Variants in CNTNAP2 observed in about 807,000 individuals in gnomAD.
The protein encoded by CNTNAP2 is contactin-associated protein-like 2.
CNTNAP2 carries 98 observed loss-of-function variants against 155.2 expected under a neutral mutation model. The observed-to-expected ratio is 0.63, with a 90% CI of 0.54 to 0.75. The LOEUF (loss-of-function observed/expected upper bound fraction) is 0.75, where lower values mean the gene tolerates loss of function less well. Ranked by LOEUF, CNTNAP2 falls within the 30% of genes least tolerant of loss-of-function variation. The pLI is 0.00. For synonymous variants in CNTNAP2, 651 were observed against 631.2 expected (o/e 1.03, Z -0.47); for missense variants, 1,727 against 1,688.1 (o/e 1.02, Z -0.40).
At chr7:148,185,410 T>G (rs1480464387) in intron 18 of CNTNAP2, among the ~76,000 whole-genome samples, 1 of 152,228 alleles carries the variant, frequency 6.6e-6, no homozygotes, top group East Asian at 1.9e-4. Flanking sequence ...GCAAATCATG[T>G]TGGTTCCTTG....
intron 18 of CNTNAP2, among the ~76,000 whole-genome samples, chr7:148,204,465 C>A (rs1007032896): frequency 6.6e-6 from 1 of 152,204 alleles, no homozygotes. Flanking sequence ...TTTCAGAACA[C>A]ATATGGGAAT....
intron 3 of CNTNAP2, among the ~76,000 whole-genome samples, chr7:147,028,177 A>G (rs1244249834): frequency 2.6e-5 from 4 of 152,216 alleles, no homozygotes; most frequent in Admixed American, 6.5e-5. Context: ...AACTGCACCA[A>G]AAAGGTTCCT....
At chr7:146,128,616 A>G (rs1797671647) in intron 1 of CNTNAP2, among the ~76,000 whole-genome samples, 1 of 152,182 alleles carries the variant, frequency 6.6e-6, no homozygotes, top group Non-Finnish European at 1.5e-5. Flanking sequence ...AAACACTGTG[A>G]TTTATATTTA....
At chr7:148,245,228 C>A (rs751695845) in intron 20 of CNTNAP2, among the ~76,000 whole-genome samples, 67 of 152,162 alleles carry the variant, frequency 4.4e-4, no homozygotes, top group Non-Finnish European at 8.4e-4. Flanking sequence ...AGCCCACAGA[C>A]CTCTGGGCTA....
At chr7:147,000,183 G>A (rs1011354766) in intron 3 of CNTNAP2, among the ~76,000 whole-genome samples, 1 of 151,410 alleles carries the variant, frequency 6.6e-6, no homozygotes, top group East Asian at 1.9e-4. Context: ...AATTTCATTT[G>A]TTGTAATTTT....
At chr7:147,142,372 A>G (rs1411614018) in intron 8 of CNTNAP2, among the ~76,000 whole-genome samples, 1 of 152,162 alleles carries the variant, frequency 6.6e-6, no homozygotes, top group Non-Finnish European at 1.5e-5. Context: ...ATGCTGGATT[A>G]TGTTTATTGA....
At chr7:148,158,464 G>T (rs542100778) in intron 17 of CNTNAP2, among the ~76,000 whole-genome samples, 2 of 152,018 alleles carry the variant, frequency 1.3e-5, no homozygotes, top group Non-Finnish European at 2.9e-5. Flanking sequence ...CTCATGATCC[G>T]CTGGCCTCAG....
At chr7:146,405,228 G>T (rs899559757) in intron 1 of CNTNAP2, among the ~76,000 whole-genome samples, 2 of 152,160 alleles carry the variant, frequency 1.3e-5, no homozygotes, top group Non-Finnish European at 2.9e-5. Flanking sequence ...AATTTGGGTT[G>T]TAAGTCAATA....
chr7:148,301,407 G>C (rs1450825156), intron 21 of CNTNAP2, among the ~76,000 whole-genome samples: 1 of 148,548 alleles, frequency 6.7e-6, no homozygotes, highest in Non-Finnish European at 1.5e-5. Flanking sequence ...CTTCCTCTGT[G>C]CCTCAGTGAC....
intron 1 of CNTNAP2, among the ~76,000 whole-genome samples, chr7:146,363,483 C>G (rs1437448245): frequency 2.0e-5 from 3 of 152,072 alleles, no homozygotes; most frequent in African/African-American, 7.2e-5. Context: ...CTAAGTGACT[C>G]TAACAGTAGA....
intron 8 of CNTNAP2, among the ~76,000 whole-genome samples, chr7:147,158,249 G>A (rs1801962842): frequency 6.6e-6 from 1 of 152,142 alleles, no homozygotes; most frequent in Non-Finnish European, 1.5e-5. Context: ...CTTAAAAACA[G>A]ACATATGGAA....
At chr7:146,201,205 G>C (rs1484569954) in intron 1 of CNTNAP2, among the ~76,000 whole-genome samples, 1 of 151,560 alleles carries the variant, frequency 6.6e-6, no homozygotes. Context: ...TTAATGAAAA[G>C]AAAAAAAAGC....
chr7:147,355,840 G>A (rs775520436), intron 9 of CNTNAP2, among the ~76,000 whole-genome samples: 31 of 152,006 alleles, frequency 2.0e-4, no homozygotes, highest in Non-Finnish European at 3.2e-4. Context: ...ATTCACAACC[G>A]AATTCTACCA....
At chr7:147,727,832 T>A (rs1796669942) in intron 13 of CNTNAP2, among the ~76,000 whole-genome samples, 1 of 150,994 alleles carries the variant, frequency 6.6e-6, no homozygotes, top group South Asian at 2.1e-4. Flanking sequence ...GATTGCATAA[T>A]GGGAGTATGA....
intron 1 of CNTNAP2, among the ~76,000 whole-genome samples, chr7:146,177,621 C>T (rs1798488502): frequency 6.6e-6 from 1 of 152,196 alleles, no homozygotes; most frequent in African/African-American, 2.4e-5. Flanking sequence ...CCGGATTTCT[C>T]TTCACATGTC....
chr7:146,680,958 G>A (rs914484232), intron 1 of CNTNAP2, among the ~76,000 whole-genome samples: 1 of 152,124 alleles, frequency 6.6e-6, no homozygotes. Context: ...TCCTATCAAA[G>A]CTGATGAGAT....
intron 3 of CNTNAP2, among the ~76,000 whole-genome samples, chr7:146,986,290 A>T (rs1025219510): frequency 2.0e-5 from 3 of 152,226 alleles, no homozygotes; most frequent in African/African-American, 7.2e-5. Flanking sequence ...ACTTAGAAGA[A>T]TAGTCTCCAA....
At chr7:148,182,164 C>T (rs559935728) in intron 18 of CNTNAP2, among the ~76,000 whole-genome samples, 2 of 152,212 alleles carry the variant, frequency 1.3e-5, no homozygotes, top group Admixed American at 6.5e-5. Flanking sequence ...TCCTGTTCTT[C>T]AGCAATGATC....
intron 10 of CNTNAP2, among the ~76,000 whole-genome samples, chr7:147,425,184 T>C (rs1159560416): frequency 6.7e-6 from 1 of 148,396 alleles, no homozygotes. Context: ...ATGAGAATAA[T>C]GCATGTTCAA....
Sources: gnomAD v4.1 joint callset for allele counts (sites outside exome capture counted in the v4.1 genomes callset) on GRCh38, gnomAD v4.1.1 for gene constraint, MANE v1.5 for transcripts, NCBI Gene and HGNC (gene_info 2026-07-23, HGNC 2026-07-21) for gene names.